The following THSD7A variants were observed in gnomAD, a reference collection of about 807,000 sequenced individuals.
THSD7A encodes the protein thrombospondin type-1 domain-containing protein 7A.
A neutral mutation model predicts 231.3 loss-of-function variants in THSD7A; 96 were observed. The ratio of observed to expected loss-of-function variants is 0.41; its 90% confidence interval spans 0.35 to 0.49. The LOEUF (loss-of-function observed/expected upper bound fraction) is 0.49, where lower values mean the gene tolerates loss of function less well. THSD7A is among the 20% of genes least tolerant of loss of function. The pLI is 0.05. For synonymous variants in THSD7A, 940 were observed against 743.3 expected, an observed-to-expected ratio of 1.26 and a Z score of -4.30; for missense variants, 2,290 against 2,070.2, an observed-to-expected ratio of 1.11 and a Z score of -2.06.
chr7:11,379,862 C>A, intron 24 of THSD7A, 150 bp from the exon 25 acceptor site: 1 of 799,616 alleles, frequency 1.3e-6, no homozygotes, highest in Non-Finnish European at 2.0e-6. Flanking sequence ...ATTTGGTTAA[C>A]CTTGACCACC....
intron 1 of THSD7A, among the ~76,000 whole-genome samples, chr7:11,829,996 G>A (rs1000371032): frequency 1.3e-5 from 2 of 152,112 alleles, no homozygotes; most frequent in African/African-American, 2.4e-5. Context: ...ACTGCAGATA[G>A]GCAGAAGAAG....
In THSD7A at chr7:11,406,095, A is replaced by T. The variant is rs537030587; in HGVS notation, c.4237+205T>A. 4.3e-4 allele frequency among the ~76,000 whole-genome samples: 65 copies of T among 152,162 alleles called. No individual in the cohort carries two copies. The highest frequency in any genetic ancestry group is 3.4e-4 in the Non-Finnish European group (23 of 68,038). On this transcript the variant is annotated intron_variant, in intron 22 of 27. Transcript: ENST00000423059. The surrounding 1 kb of genome is among the most constrained non-coding windows in gnomAD (Gnocchi z 4.7). The stretch of plus-strand genomic sequence containing the variant: ...ACTCCAGAGGGTGTTGAGAGGCCAC[A>T]TGGGAGACCTGGACTTCAACCCTAC...
chr7:11,433,517 C>G (rs919131236), intron 13 of THSD7A, among the ~76,000 whole-genome samples: 1 of 151,864 alleles, frequency 6.6e-6, no homozygotes, highest in African/African-American at 2.4e-5. Context: ...AAGAACCATC[C>G]AAATCATTTC....
chr7:11,569,047 G>T (rs1229353226), intron 4 of THSD7A, among the ~76,000 whole-genome samples: 2 of 148,984 alleles, frequency 1.3e-5, no homozygotes, highest in Non-Finnish European at 3.0e-5. Context: ...AACACAAAAT[G>T]AATTAAGAAC....
At chr7:11,647,368 C>T (rs1192799094) in intron 1 of THSD7A, among the ~76,000 whole-genome samples, 1 of 151,956 alleles carries the variant, frequency 6.6e-6, no homozygotes, top group East Asian at 1.9e-4. Context: ...GAGTTTTAAC[C>T]CGTATGTCTT....
At chr7:11,575,159 C>T (rs1790837450) in intron 4 of THSD7A, among the ~76,000 whole-genome samples, 5 of 152,154 alleles carry the variant, frequency 3.3e-5, no homozygotes, top group Admixed American at 2.6e-4. Flanking sequence ...TCCTCGTCAT[C>T]CTCTGCATCA....
At position 11,590,250 on chromosome 7, in the gene THSD7A, T is replaced by C. The variant is rs2128340733; in HGVS notation, c.1453+210A>G. ...TAAGTCAAAATTTTAAAGAAACTTGTCAGTAAACCAGAACTGACCAAAGAT... is the reference window on the plus strand; with the variant it reads ...TAAGTCAAAATTTTAAAGAAACTTGCCAGTAAACCAGAACTGACCAAAGAT... On this transcript the variant is annotated intron_variant, in intron 4 of 27. Transcript: ENST00000423059. This position sits in a 1 kb window ranked among gnomAD's most constrained non-coding sequence, Gnocchi z 4.4. Among the ~76,000 whole-genome samples the C allele has an allele frequency of 6.6e-6, 1 of 152,344 alleles. No homozygotes were observed. The highest frequency in any genetic ancestry group is 1.9e-4 in the East Asian group (1 of 5,184).
chr7:11,580,253 T>C (rs1791097809), intron 4 of THSD7A, among the ~76,000 whole-genome samples: 1 of 152,160 alleles, frequency 6.6e-6, no homozygotes, highest in African/African-American at 2.4e-5. Context: ...TCTTAAAGCA[T>C]GCAGGTGATT....
intron 1 of THSD7A, among the ~76,000 whole-genome samples, chr7:11,764,898 G>T (rs989834735): frequency 1.0e-3 from 155 of 152,104 alleles, no homozygotes; most frequent in African/African-American, 3.6e-3. Flanking sequence ...TTAGGATATG[G>T]ATTTTAAGAG....
intron 14 of THSD7A, among the ~76,000 whole-genome samples, chr7:11,428,415 T>G (rs914415173): frequency 3.3e-5 from 5 of 152,170 alleles, no homozygotes; most frequent in African/African-American, 4.8e-5. Context: ...TTGAAAATGG[T>G]CAATGACTAA....
chr7:11,820,583 G>T, intron 1 of THSD7A: 1 of 717,386 alleles, frequency 1.4e-6, no homozygotes, highest in Non-Finnish European at 2.5e-6. Flanking sequence ...TCCCAGAGTA[G>T]TTGCCTCTGT....
rs1265127475 is a variant in THSD7A, at chr7:11,636,720, A to G, written c.432T>C (p.Leu144=). ...TACCTTCTTCCCCCTTAATGCACTCAAGAGGTTTCTCTAGGCTTTTTGAAA... is the reference window on the plus strand; with the variant it reads ...TACCTTCTTCCCCCTTAATGCACTCGAGAGGTTTCTCTAGGCTTTTTGAAA... ...PVISKSLEKP[L]ECIKGEEGIQ... The change falls in exon 2 of 28, where the codon CTT becomes CTC. Residue 144 remains leucine, a synonymous_variant. Transcript: ENST00000423059. This position sits in a 1 kb window ranked among gnomAD's most constrained non-coding sequence, Gnocchi z 10.0. 3 of 1,613,954 alleles carry G rather than the reference A, an allele frequency of 1.9e-6. No individual in the cohort carries two copies. The East Asian group carries it at 6.7e-5, about 36-fold the overall frequency.
At chr7:11,555,693 C>T (rs779719420) in intron 4 of THSD7A, among the ~76,000 whole-genome samples, 61 of 151,730 alleles carry the variant, frequency 4.0e-4, no homozygotes, top group East Asian at 3.9e-4. Flanking sequence ...TTGTCAATTA[C>T]AGTTTTGTCT....
chr7:11,529,094 A>G (rs79407491), intron 6 of THSD7A, among the ~76,000 whole-genome samples: 2,013 of 152,212 alleles, frequency 0.013, 41 homozygotes, highest in East Asian at 0.022. Flanking sequence ...CAAATAAAAA[A>G]CGTGCATTTC....
intron 1 of THSD7A, among the ~76,000 whole-genome samples, chr7:11,741,361 C>T (rs1416995295): frequency 6.6e-6 from 1 of 151,876 alleles, no homozygotes; most frequent in South Asian, 2.1e-4. Flanking sequence ...CATGCCATGC[C>T]AAATTCCAAG....
chr7:11,737,877 T>G (rs1349546360), intron 1 of THSD7A, among the ~76,000 whole-genome samples: 1 of 151,992 alleles, frequency 6.6e-6, no homozygotes. Flanking sequence ...GTATGATCAG[T>G]GAGTATCACT....
At chr7:11,410,609 C>T (rs1041916332) in intron 19 of THSD7A, 2 of 152,190 alleles carry the variant, frequency 1.3e-5, no homozygotes, top group African/African-American at 4.8e-5. Flanking sequence ...CGTTTCTTCA[C>T]ATTTCAGACG....
At chr7:11,566,965 T>TAGCGGGAGGGGGGGGGGGGCGGG in intron 4 of THSD7A, among the ~76,000 whole-genome samples, 1 of 92,304 alleles carries the variant, frequency 1.1e-5, no homozygotes, top group African/African-American at 5.6e-5. Context: ...TGTGGGAGAG[T>TAGCGGGAGGGGGGGGGGGGCGGG]GGGGGGGGGA....
intron 4 of THSD7A, among the ~76,000 whole-genome samples, chr7:11,553,853 A>C (rs1205442855): frequency 2.0e-5 from 3 of 152,026 alleles, no homozygotes; most frequent in Non-Finnish European, 4.4e-5. Context: ...ATGGAAAAAA[A>C]TAAAAATAAT....
Sources: gnomAD v4.1 joint callset for allele counts (sites outside exome capture counted in the v4.1 genomes callset) on GRCh38, gnomAD v4.1.1 for gene constraint, Gnocchi (gnomAD v3.1) non-coding constraint, MANE v1.5 for transcripts, NCBI Gene and HGNC (gene_info 2026-07-23, HGNC 2026-07-21) for gene names.